Variants in WDFY3 observed in about 807,000 individuals in gnomAD.
The protein encoded by WDFY3 is WD repeat and FYVE domain-containing protein 3.
A neutral mutation model predicts 409.6 loss-of-function variants in WDFY3; 66 were observed. That is an observed-to-expected ratio of 0.16 (90% CI 0.13 to 0.20). WDFY3 has a LOEUF of 0.20. WDFY3 is among the 10% of genes least tolerant of loss of function. The pLI is 1.00. For missense variants in WDFY3, 3,031 were observed against 4,298.1 expected (o/e 0.71, Z 8.24); for synonymous variants, 1,521 against 1,537.1 (o/e 0.99, Z 0.25).
chr4:84,691,483 C>T lies in WDFY3; in HGVS notation c.9204+148G>A, dbSNP rs576818151. 16 of 804,926 alleles carry T rather than the reference C, an allele frequency of 2.0e-5. No individual in the cohort carries two copies. The Admixed American group carries it at 2.2e-4, about 11-fold the overall frequency. The allele number at this position is 804,926 out of a possible 1,614,324, so 49.9% of individuals were successfully genotyped here. ...CTCATTCAGTGAAGCTCTCCTTTCC[C>T]CAAATAGGAAAGCTCACTTTTCTTT... On this transcript the variant is annotated intron_variant, in intron 60 of 67. Coordinates refer to ENST00000295888, the MANE Select transcript of WDFY3 (RefSeq NM_014991.6).
intron 45 of WDFY3, 64 bp from the exon 46 acceptor site, chr4:84,724,658 T>TG: frequency 1.3e-6 from 2 of 1,556,242 alleles, no homozygotes; most frequent in Middle Eastern, 1.8e-4. Context: ...GTAATATTCT[T>TG]GAGGGAAGGT....
At chr4:84,891,045 A>C (rs774700141) in intron 3 of WDFY3, among the ~76,000 whole-genome samples, 4 of 152,170 alleles carry the variant, frequency 2.6e-5, no homozygotes, top group Admixed American at 2.6e-4. Flanking sequence ...TTAGTTTGTA[A>C]GACATAGACA....
chr4:84,840,809 G>A (rs191154079), intron 6 of WDFY3, among the ~76,000 whole-genome samples: 11 of 150,848 alleles, frequency 7.3e-5, no homozygotes, highest in East Asian at 2.0e-4. Flanking sequence ...TCGAATTTCC[G>A]GGCTCAAGCA....
chr4:84,847,504 T>C (rs951112885), intron 5 of WDFY3, among the ~76,000 whole-genome samples: 5 of 150,852 alleles, frequency 3.3e-5, no homozygotes, highest in African/African-American at 7.3e-5. Context: ...CAGTGGCTCA[T>C]GCCTGTAATC....
At chr4:84,807,109 T>G (rs183387685) in intron 15 of WDFY3, among the ~76,000 whole-genome samples, 34 of 152,308 alleles carry the variant, frequency 2.2e-4, no homozygotes, top group Admixed American at 1.3e-3. Flanking sequence ...TATTCAACAA[T>G]TCCTTGGGCT....
chr4:84,842,243 A>C (rs1757461529), intron 5 of WDFY3, among the ~76,000 whole-genome samples: 1 of 152,056 alleles, frequency 6.6e-6, no homozygotes, highest in Non-Finnish European at 1.5e-5. Context: ...TTGGGAGGCC[A>C]AGGCGGGCAG....
chr4:84,693,001 A>G lies in WDFY3; in HGVS notation c.8933T>C (p.Val2978Ala). The G allele has an allele frequency of 6.2e-6, 10 of 1,611,438 alleles. No homozygotes were observed. Among genetic ancestry groups the G allele is most frequent in the Non-Finnish European group, 8.5e-6 (10 of 1,179,504 alleles). ...LFKKPHPPKR[V>A]RSRLNGDNAG... ...ATTGTCTCCATTGAGTCGACTTCTC[A>G]CTCGCTTTGGTGGATGAGGTTTTTT... The change falls in exon 59 of 68, where the codon GTG becomes GCG. Residue 2978 changes from valine (V) to alanine (A), a missense_variant. By Grantham distance (64) the Val-to-Ala change is moderately conservative. Transcript: ENST00000295888.
At chr4:84,719,714 G>A (rs1376233097) in intron 47 of WDFY3, among the ~76,000 whole-genome samples, 1 of 151,980 alleles carries the variant, frequency 6.6e-6, no homozygotes, top group Non-Finnish European at 1.5e-5. Flanking sequence ...CACACAAAAT[G>A]TTTATTTCCT....
At chr4:84,892,458 G>T (rs1765086921) in intron 3 of WDFY3, among the ~76,000 whole-genome samples, 1 of 151,938 alleles carries the variant, frequency 6.6e-6, no homozygotes, top group Admixed American at 6.6e-5. Context: ...CCATCATTTT[G>T]TTAATATCAA....
intron 44 of WDFY3, among the ~76,000 whole-genome samples, chr4:84,729,639 T>C (rs1261575394): frequency 6.6e-6 from 1 of 151,804 alleles, no homozygotes; most frequent in African/African-American, 2.4e-5. Flanking sequence ...CTATTTGTTA[T>C]ACAGCATGTA....
chr4:84,923,460 T>G (rs1024335073), intron 2 of WDFY3, among the ~76,000 whole-genome samples: 7 of 152,348 alleles, frequency 4.6e-5, no homozygotes, highest in South Asian at 2.1e-4. Context: ...CTCTCACTGC[T>G]TCTTTGGGTC....
intron 21 of WDFY3, among the ~76,000 whole-genome samples, chr4:84,793,684 C>T (rs1748895540): frequency 6.6e-6 from 1 of 152,120 alleles, no homozygotes; most frequent in South Asian, 2.1e-4. Context: ...GGACTACATG[C>T]TACTAAAGGG....
At chr4:84,784,409 T>G (rs1262123787) in intron 24 of WDFY3, among the ~76,000 whole-genome samples, 1 of 152,170 alleles carries the variant, frequency 6.6e-6, no homozygotes, top group African/African-American at 2.4e-5. Context: ...TCTACTCTTT[T>G]TGTAGTTTTC....
chr4:84,755,794 T>G (rs1741336594), intron 33 of WDFY3, among the ~76,000 whole-genome samples: 1 of 151,644 alleles, frequency 6.6e-6, no homozygotes, highest in African/African-American at 2.4e-5. Flanking sequence ...AGTATTTTAA[T>G]TTTAGATTAC....
intron 3 of WDFY3, among the ~76,000 whole-genome samples, chr4:84,867,118 T>C (rs944635863): frequency 2.0e-5 from 3 of 152,212 alleles, no homozygotes; most frequent in Non-Finnish European, 2.9e-5. Flanking sequence ...AATAACATCA[T>C]TTCTGTAACA....
At chr4:84,770,848 A>AT (rs1433428327) in intron 30 of WDFY3, among the ~76,000 whole-genome samples, 1 of 152,166 alleles carries the variant, frequency 6.6e-6, no homozygotes, top group Non-Finnish European at 1.5e-5. Context: ...CACAGTTTTC[A>AT]TTTTTTAGAA....
chr4:84,833,319 T>G (rs1012387196), intron 7 of WDFY3, among the ~76,000 whole-genome samples: 5 of 152,160 alleles, frequency 3.3e-5, no homozygotes, highest in Non-Finnish European at 5.9e-5. Context: ...TAACTATAAC[T>G]CATGACATCA....
intron 11 of WDFY3, among the ~76,000 whole-genome samples, chr4:84,820,800 G>A (rs1417193346): frequency 6.6e-6 from 1 of 152,012 alleles, no homozygotes; most frequent in African/African-American, 2.4e-5. Flanking sequence ...GAAGCACAAG[G>A]CAGTAGATAC....
intron 13 of WDFY3, among the ~76,000 whole-genome samples, chr4:84,813,417 T>C (rs1752809614): frequency 6.6e-6 from 1 of 152,184 alleles, no homozygotes; most frequent in East Asian, 1.9e-4. Flanking sequence ...ACAGACAAAA[T>C]ACTCAAAACT....
Sources: allele counts gnomAD v4.1 joint callset (sites outside exome capture counted in the v4.1 genomes callset), GRCh38; gene constraint gnomAD v4.1.1; transcripts MANE v1.5; gene names NCBI Gene and HGNC (gene_info 2026-07-23, HGNC 2026-07-21).